The following SERPINB4 variants were observed in gnomAD, a reference collection of about 807,000 sequenced individuals.
The protein encoded by SERPINB4 is serpin family B member 4, also known as serpin B4.
A neutral mutation model predicts 33.2 loss-of-function variants in SERPINB4; 39 were observed. That is an observed-to-expected ratio of 1.18 (90% CI 0.91 to 1.53). The LOEUF is 1.53. SERPINB4 is among the 40% of genes most tolerant of loss of function. The pLI is 0.00. For synonymous variants in SERPINB4, 191 were observed against 166.4 expected, an observed-to-expected ratio of 1.15 and a Z score of -1.14; for missense variants, 564 against 455.4, an observed-to-expected ratio of 1.24 and a Z score of -2.17.
At chr18:63,642,983 C>T (rs935039183) in intron 3 of SERPINB4, 178 bp downstream of exon 3, 40 of 719,648 alleles carry the variant, frequency 5.6e-5, no homozygotes, top group Admixed American at 4.0e-4. Flanking sequence ...CTTTTAGTAA[C>T]GCAGAAATGA....
At chr18:63,639,543 A>G (rs1913053816) in intron 6 of SERPINB4, 91 bp downstream of exon 6, 4 of 1,079,930 alleles carry the variant, frequency 3.7e-6, no homozygotes, top group Non-Finnish European at 1.3e-6. Context: ...AACAATTTTT[A>G]TTTTTTACTT....
rs902181455 is a variant in SERPINB4 at position 63,638,078 on chromosome 18, A to G, written c.814T>C (p.Leu272=). Residue 272 remains leucine (L), a synonymous_variant, in exon 8 of 8, where the codon TTG becomes CTG. Transcript: ENST00000341074. The part of the protein sequence containing the change: ...TAEKLMEWTS[L]QNMRETCVDL... The stretch of plus-strand genomic sequence containing the variant: ...ACACATGTCTCTCTCATATTCTGCA[A>G]ACTTGTCCATTCCATCAATTTCTCA... The G allele has an allele frequency of 1.2e-6, 2 of 1,613,416 alleles. No homozygotes were observed. The highest frequency in any genetic ancestry group is 1.7e-6 in the Non-Finnish European group (2 of 1,179,652).
In SERPINB4 at chr18:63,643,586, C is replaced by G. The variant is rs764919450; in HGVS notation, c.-9G>C. The G allele has an allele frequency of 9.3e-6, 15 of 1,612,900 alleles. No individual in the cohort carries two copies. In the East Asian group the frequency reaches 1.1e-4, roughly 12 times the overall value. ...TCACTGAGTGAATTCATGGTGAACTCGATGTGATCTGGAACTCCTGGAAAA... is the reference window on the plus strand; with the variant it reads ...TCACTGAGTGAATTCATGGTGAACTGGATGTGATCTGGAACTCCTGGAAAA... On this transcript the variant is annotated 5_prime_UTR_variant, in exon 2 of 8. Coordinates refer to ENST00000341074, the MANE Select transcript of SERPINB4 (RefSeq NM_002974.4).
At chr18:63,643,735 A>ATG (rs1168137393) in intron 1 of SERPINB4, 132 bp from the exon 2 acceptor site, 5 of 988,704 alleles carry the variant, frequency 5.1e-6, no homozygotes, top group Admixed American at 5.1e-5. Context: ...CTTATTTTTA[A>ATG]CGCTTCAATC....
rs1169536973 is a variant in SERPINB4 at position 63,643,160 on chromosome 18, C to A, written c.222+1G>T. On this transcript the variant is annotated splice_donor_variant, in intron 3 of 7. Transcript: ENST00000341074. LOFTEE classifies it high-confidence loss of function. Reference sequence around the variant, plus strand: ...CTGAACCATAGTGCTCTGTGACTCACATGATATGTTGCAGCTTTTTCTGTG... The same window carrying A: ...CTGAACCATAGTGCTCTGTGACTCAAATGATATGTTGCAGCTTTTTCTGTG... 1 of 1,613,282 alleles carries A rather than the reference C, an allele frequency of 6.2e-7. No homozygotes were observed. Among genetic ancestry groups the A allele is most frequent in the Non-Finnish European group, 8.5e-7 (1 of 1,179,534 alleles).
Position 63,643,488 on chromosome 18 carries a change from G to T in SERPINB4, c.90C>A (p.Ser30=). 6.2e-7 allele frequency: 1 copy of T among 1,613,774 alleles called. No individual in the cohort carries two copies. The highest frequency in any genetic ancestry group is 8.5e-7 in the Non-Finnish European group (1 of 1,179,780). ...RKSKENNIFY[S]PISITSALGM... ...CTAATGCTGATGTGATGCTGATAGG[G>T]GAATAGAAGATGTTGTTCTCTTTTG... The change falls in exon 2 of 8, where the codon TCC becomes TCA. Residue 30 remains serine (S), a synonymous_variant. Transcript: ENST00000341074.
In SERPINB4 at chr18:63,640,822, C is replaced by T. The variant is rs191670636; in HGVS notation, c.469+52G>A. 277 of 1,491,256 alleles carry T rather than the reference C, an allele frequency of 1.9e-4. No individual in the cohort carries two copies. The African/African-American group carries it at 3.7e-3, about 20-fold the overall frequency. The allele number at this position is 1,491,256 out of a possible 1,614,324, so 92.4% of individuals were successfully genotyped here. A position where few individuals can be genotyped will look rare whatever the true frequency, so the allele number is the denominator to read the frequency against. Reference sequence around the variant, plus strand: ...CCCCCATGCAGTGTCAAGCACAAGGCTCACTGGCATAGGTTTCTCAAAGGT... The same window carrying T: ...CCCCCATGCAGTGTCAAGCACAAGGTTCACTGGCATAGGTTTCTCAAAGGT... On this transcript the variant is annotated intron_variant, in intron 5 of 7. Coordinates refer to ENST00000341074, the MANE Select transcript of SERPINB4 (RefSeq NM_002974.4).
rs374445926 is a variant in SERPINB4 at position 63,643,303 on chromosome 18, A to T, written c.166-86T>A. On this transcript the variant is annotated intron_variant, in intron 2 of 7. Transcript: ENST00000341074. Reference sequence around the variant, plus strand: ...GTCTCACAGTTATGGGAATTCCTGCACAGCCCCCTGTGCTACCCATCAGAC... The same window carrying T: ...GTCTCACAGTTATGGGAATTCCTGCTCAGCCCCCTGTGCTACCCATCAGAC... 1.3e-4 allele frequency: 210 copies of T among 1,611,300 alleles called. 3 individuals carry two copies. Among genetic ancestry groups the T allele is most frequent in the Admixed American group, 7.5e-4 (45 of 59,748 alleles).
chr18:63,641,136 G>C (rs1189105765), intron 4 of SERPINB4, 145 bp from the exon 5 acceptor site: 2 of 668,822 alleles, frequency 3.0e-6, no homozygotes, highest in East Asian at 5.5e-5. Flanking sequence ...TTTTATACAG[G>C]TGTCATGTAG....
In SERPINB4 at chr18:63,637,746, G is replaced by A; in HGVS notation, c.1146C>T (p.Leu382=). 6.2e-7 allele frequency: 1 copy of A among 1,611,476 alleles called. No homozygotes were observed. The highest frequency in any genetic ancestry group is 8.5e-7 in the Non-Finnish European group (1 of 1,178,638). ...ATGGGGATGAGAATCTGCCATAGAA[G>A]AGGATGCTGTTGGTCTTATTTTGCC... The part of the protein sequence containing the change: ...FIRQNKTNSI[L]FYGRFSSP The change falls in exon 8 of 8, where the codon CTC becomes CTT. Residue 382 remains leucine, a synonymous_variant. Transcript: ENST00000341074.
At chr18:63,643,701 G>A in intron 1 of SERPINB4, 98 bp from the exon 2 acceptor site, 1 of 1,329,484 alleles carries the variant, frequency 7.5e-7, no homozygotes, top group Non-Finnish European at 1.0e-6. Flanking sequence ...TGGGTTGTGA[G>A]ATTTTGACAT....
At chr18:63,639,516 A>G in intron 6 of SERPINB4, 118 bp downstream of exon 6, 1 of 1,019,844 alleles carries the variant, frequency 9.8e-7, no homozygotes. Flanking sequence ...GAGTAAAACA[A>G]CAAAATAACA....
intron 5 of SERPINB4, 112 bp downstream of exon 5, chr18:63,640,762 C>T (rs1342147369): frequency 3.5e-6 from 3 of 866,328 alleles, no homozygotes; most frequent in Non-Finnish European, 5.5e-6. Flanking sequence ...CTCTTCAGCC[C>T]TCCCTGCAAA....
chr18:63,640,869 C>T lies in SERPINB4; in HGVS notation c.469+5G>A, dbSNP rs1311345487. On this transcript the variant is annotated splice_donor_5th_base_variant and intron_variant, in intron 5 of 7. Coordinates refer to ENST00000341074, the MANE Select transcript of SERPINB4 (RefSeq NM_002974.4). Reference sequence around the variant, plus strand: ...AGGTGTTTCTATAATGGGTGGCTCTCCTACCATTCGTTTGACTTTCCACCC... The same window carrying T: ...AGGTGTTTCTATAATGGGTGGCTCTTCTACCATTCGTTTGACTTTCCACCC... 4 of 1,610,188 alleles carry T rather than the reference C, an allele frequency of 2.5e-6. No homozygotes were observed. The highest frequency in any genetic ancestry group is 3.4e-6 in the Non-Finnish European group (4 of 1,177,468).
chr18:63,641,023 G>C, intron 4 of SERPINB4, 32 bp from the exon 5 acceptor site: 1 of 1,565,464 alleles, frequency 6.4e-7, no homozygotes, highest in Non-Finnish European at 8.8e-7. Context: ...GTAGGAATTA[G>C]GAGTAATTTA....
At chr18:63,642,564 C>T (rs1913170558) in intron 3 of SERPINB4, among the ~76,000 whole-genome samples, 2 of 152,088 alleles carry the variant, frequency 1.3e-5, no homozygotes, top group African/African-American at 4.8e-5. Flanking sequence ...CTAGAACTTT[C>T]TACCTTCCAG....
At chr18:63,642,115 C>T (rs1256794761) in intron 3 of SERPINB4, among the ~76,000 whole-genome samples, 9 of 152,082 alleles carry the variant, frequency 5.9e-5, no homozygotes, top group African/African-American at 1.9e-4. Flanking sequence ...AATCTTTTCT[C>T]TTCTGAACTA....
chr18:63,640,978 G>A lies in SERPINB4; in HGVS notation c.365C>T (p.Ala122Val). The A allele has an allele frequency of 1.9e-6, 3 of 1,612,144 alleles. No homozygotes were observed. The highest frequency in any genetic ancestry group is 1.7e-6 in the Non-Finnish European group (2 of 1,178,660). Reference sequence around the variant, plus strand: ...ACTGGTCTGGTAAAATTTCTTGATGGCATCTAAATATTCCTTTGAGATATG... The same window carrying A: ...ACTGGTCTGGTAAAATTTCTTGATGACATCTAAATATTCCTTTGAGATATG... ...TYQFLQEYLD[A>V]IKKFYQTSVE... Residue 122 changes from alanine to valine, a missense_variant, in exon 5 of 8, where the codon GCC becomes GTC. Transcript: ENST00000341074.
intron 3 of SERPINB4, 150 bp from the exon 4 acceptor site, chr18:63,642,038 A>G: frequency 1.7e-6 from 2 of 1,195,634 alleles, no homozygotes; most frequent in Non-Finnish European, 2.3e-6. Flanking sequence ...TTTCACCTCA[A>G]ATACCCTTCA....
Sources: allele counts gnomAD v4.1 joint callset (sites outside exome capture counted in the v4.1 genomes callset), GRCh38; gene constraint gnomAD v4.1.1; transcripts MANE v1.5; gene names NCBI Gene and HGNC (gene_info 2026-07-23, HGNC 2026-07-21).